The following RANBP2 variants were observed in gnomAD, a reference collection of about 807,000 sequenced individuals.
The protein encoded by RANBP2 is E3 SUMO-protein ligase RanBP2.
RANBP2 carries 57 observed loss-of-function variants against 303.6 expected under a neutral mutation model. That is an observed-to-expected ratio of 0.19 (90% CI 0.15 to 0.23). RANBP2 has a LOEUF of 0.23. Among genes scored for constraint, RANBP2 ranks in the 10% least tolerant of loss-of-function variants. RANBP2 has a pLI of 1.00. For missense variants in RANBP2, 3,138 were observed against 3,780.8 expected (o/e 0.83, Z 4.46); for synonymous variants, 1,167 against 1,301.5 (o/e 0.90, Z 2.23).
the RANBP2 span, among the ~76,000 whole-genome samples, chr2:109,336,695 C>T: frequency 6.6e-6 from 1 of 152,222 alleles, no homozygotes; most frequent in Admixed American, 6.5e-5. Flanking sequence ...ATGAAGTTTA[C>T]CTTAAGTCTG....
the RANBP2 span, among the ~76,000 whole-genome samples, chr2:109,577,912 C>CAA: frequency 1.9e-3 from 179 of 91,886 alleles, 1 homozygote; most frequent in East Asian, 3.8e-3. Flanking sequence ...GACTTTGTCT[C>CAA]AAAAAAAAAA....
At chr2:108,752,965 T>C (rs1676021259) in intron 12 of RANBP2, 33 bp from the exon 13 acceptor site, 1 of 1,606,018 alleles carries the variant, frequency 6.2e-7, no homozygotes. Flanking sequence ...TGCGTGTTCC[T>C]TAAAGTTGTG....
the RANBP2 span, among the ~76,000 whole-genome samples, chr2:109,203,844 G>T: frequency 1.3e-5 from 2 of 152,134 alleles, no homozygotes; most frequent in Non-Finnish European, 2.9e-5. Context: ...TTGTGTGGGT[G>T]CCTCGCTACC....
chr2:108,774,831 G>A lies in RANBP2; in HGVS notation c.8293-901G>A, dbSNP rs142631537. Among the ~76,000 whole-genome samples the A allele has an allele frequency of 9.5e-3, 1,429 of 151,146 alleles. 15 individuals are homozygous for A. The highest frequency in any genetic ancestry group is 0.012 in the Non-Finnish European group (784 of 67,818). On this transcript the variant is annotated intron_variant, in intron 23 of 28. Transcript: ENST00000283195. The stretch of plus-strand genomic sequence containing the variant: ...AGCAATTCTCATGTCTCAGCCACCC[G>A]AGTATCTGCGATTATAGGCGTGGCT...
At chr2:109,338,879 C>T in the RANBP2 span, among the ~76,000 whole-genome samples, 2 of 151,980 alleles carry the variant, frequency 1.3e-5, no homozygotes, top group African/African-American at 4.8e-5. Flanking sequence ...AAACTCAACT[C>T]CTAAGAGCTT....
chr2:109,317,988 G>T, the RANBP2 span, among the ~76,000 whole-genome samples: 6 of 151,896 alleles, frequency 4.0e-5, no homozygotes, highest in Non-Finnish European at 7.4e-5. Flanking sequence ...GCCAAGGATG[G>T]CCTGCATCTG....
the RANBP2 span, among the ~76,000 whole-genome samples, chr2:109,034,906 G>T: frequency 6.6e-6 from 1 of 152,138 alleles, no homozygotes; most frequent in African/African-American, 2.4e-5. Context: ...GTATGAAAAG[G>T]GCATGGGAAA....
the RANBP2 span, among the ~76,000 whole-genome samples, chr2:109,008,452 CAG>C: frequency 6.6e-6 from 1 of 152,120 alleles, no homozygotes; most frequent in Non-Finnish European, 1.5e-5. Flanking sequence ...AATATTTTAA[CAG>C]AAACAATTTT....
the RANBP2 span, among the ~76,000 whole-genome samples, chr2:109,568,668 T>C: frequency 6.6e-5 from 2 of 30,526 alleles, no homozygotes; most frequent in African/African-American, 1.1e-4. Flanking sequence ...GTAAACTGAA[T>C]TGCCTCAATT....
At chr2:109,489,501 G>C in the RANBP2 span, among the ~76,000 whole-genome samples, 1 of 152,214 alleles carries the variant, frequency 6.6e-6, no homozygotes, top group South Asian at 2.1e-4. Flanking sequence ...AGAAGAGCTG[G>C]GGGAGGAGAA....
chr2:108,939,986 C>G, the RANBP2 span, among the ~76,000 whole-genome samples: 10 of 152,290 alleles, frequency 6.6e-5, no homozygotes, highest in South Asian at 1.2e-3. Flanking sequence ...ACAACAAAAG[C>G]AAAACAAGAA....
At chr2:109,315,629 C>T in the RANBP2 span, among the ~76,000 whole-genome samples, 1 of 152,182 alleles carries the variant, frequency 6.6e-6, no homozygotes, top group Non-Finnish European at 1.5e-5. Flanking sequence ...CGTGTGTGTC[C>T]AGAGAAGAGA....
At chr2:109,426,097 C>G in the RANBP2 span, among the ~76,000 whole-genome samples, 1 of 152,106 alleles carries the variant, frequency 6.6e-6, no homozygotes, top group Non-Finnish European at 1.5e-5. Context: ...TTAGTAGAGA[C>G]AGGTTTTCGC....
chr2:109,675,315 C>T, the RANBP2 span, among the ~76,000 whole-genome samples: 315 of 152,322 alleles, frequency 2.1e-3, 3 homozygotes, highest in African/African-American at 6.9e-3. Flanking sequence ...CAAGTTCTTC[C>T]TGGTATACTA....
chr2:109,513,780 G>A, the RANBP2 span, among the ~76,000 whole-genome samples: 1 of 152,196 alleles, frequency 6.6e-6, no homozygotes, highest in Non-Finnish European at 1.5e-5. Flanking sequence ...GCCAGCCTGT[G>A]GCTACAGAGG....
At chr2:109,033,462 C>T in the RANBP2 span, among the ~76,000 whole-genome samples, 3 of 152,326 alleles carry the variant, frequency 2.0e-5, no homozygotes, top group East Asian at 3.9e-4. Context: ...AGGCTTTAAT[C>T]AGGTGCTGTA....
the RANBP2 span, among the ~76,000 whole-genome samples, chr2:109,682,228 C>T: frequency 3.9e-5 from 6 of 152,276 alleles, no homozygotes; most frequent in East Asian, 1.2e-3. Context: ...GTGAGCCTGG[C>T]AGTAAAGTTG....
the RANBP2 span, among the ~76,000 whole-genome samples, chr2:109,388,327 G>C: frequency 6.6e-6 from 1 of 152,134 alleles, no homozygotes; most frequent in Non-Finnish European, 1.5e-5. Flanking sequence ...GCTCCTTTGT[G>C]AACATGGAAC....
At chr2:108,987,838 G>A in the RANBP2 span, among the ~76,000 whole-genome samples, 1 of 152,236 alleles carries the variant, frequency 6.6e-6, no homozygotes. Flanking sequence ...GGTGGCCTCT[G>A]TCAAAATGTA....
Sources: gnomAD v4.1 joint callset for allele counts (sites outside exome capture counted in the v4.1 genomes callset) on GRCh38, gnomAD v4.1.1 for gene constraint, MANE v1.5 for transcripts, NCBI Gene and HGNC (gene_info 2026-07-23, HGNC 2026-07-21) for gene names.